Variants in PML observed in about 807,000 individuals in gnomAD.
The protein encoded by PML is PML nuclear body scaffold.
A neutral mutation model predicts 65.2 loss-of-function variants in PML; 28 were observed. The observed-to-expected ratio is 0.43, with a 90% CI of 0.32 to 0.59. The LOEUF (loss-of-function observed/expected upper bound fraction) is 0.59, where lower values mean the gene tolerates loss of function less well. Ranked by LOEUF, PML falls within the 20% of genes least tolerant of loss-of-function variation. PML has a pLI of 0.08. For synonymous variants in PML, 500 were observed against 508.8 expected (o/e 0.98, Z 0.23); for missense variants, 1,021 against 1,203.4 (o/e 0.85, Z 2.24).
At chr15:74,002,444 C>CTTTTTTTTTTTT (rs71137368) in intron 2 of PML, among the ~76,000 whole-genome samples, 5 of 104,762 alleles carry the variant, frequency 4.8e-5, no homozygotes, top group Non-Finnish European at 7.3e-5. Context: ...TCTTTCTTTT[C>CTTTTTTTTTTTT]TTTTTTTTTT....
intron 6 of PML, chr15:74,034,196 C>A: frequency 2.0e-6 from 1 of 508,170 alleles, no homozygotes; most frequent in Non-Finnish European, 3.6e-6. Flanking sequence ...AGTTGTCAGG[C>A]CTCCTGTACA....
At chr15:73,995,408 G>A (rs992275915) in intron 1 of PML, among the ~76,000 whole-genome samples, 2 of 152,212 alleles carry the variant, frequency 1.3e-5, no homozygotes, top group Non-Finnish European at 2.9e-5. Context: ...GACTGAAGAG[G>A]TATCTTTGCC....
chr15:73,998,294 CT>C lies in PML; in HGVS notation c.423del (p.Phe141LeufsTer26). On this transcript the variant is annotated frameshift_variant, in exon 2 of 9. Coordinates refer to ENST00000268058, the MANE Select transcript of PML (RefSeq NM_033238.3). LOFTEE classifies it high-confidence loss of function. The stretch of plus-strand genomic sequence containing the variant: ...GCAAAGAGTCGGCCGACTTCTGGTG[CT>C]TTGAGTGCGAGCAGCTCCTCTGCGC... The part of the protein sequence containing the change: ...RCKESADFWC[F>X]ECEQLLCAKC... The C allele has an allele frequency of 1.9e-6, 3 of 1,614,214 alleles. No individual in the cohort carries two copies. Among genetic ancestry groups the C allele is most frequent in the Non-Finnish European group, 2.5e-6 (3 of 1,180,042 alleles).
At chr15:74,005,164 T>C (rs2069978161) in intron 2 of PML, among the ~76,000 whole-genome samples, 1 of 152,206 alleles carries the variant, frequency 6.6e-6, no homozygotes, top group Admixed American at 6.5e-5. Context: ...GTGATTTTCC[T>C]GCCTCAGCCT....
intron 7 of PML, among the ~76,000 whole-genome samples, chr15:74,041,072 G>A (rs876383): frequency 0.37 from 55,717 of 152,040 alleles, 10,968 homozygotes; most frequent in Middle Eastern, 0.45. Flanking sequence ...ACATTGCCCC[G>A]AGCTTTGTGG....
rs143294421 is a variant in PML at position 74,034,443 on chromosome 15, G to A, written c.1658-35G>A. 1.9e-6 allele frequency: 3 copies of A among 1,614,082 alleles called. No homozygotes were observed. In the East Asian group the frequency reaches 6.7e-5, roughly 36 times the overall value. ...ACACCCCTCCCAGCATGCATCCTAG[G>A]CAGTTCATAATGCATCTCCCCTTCC... On this transcript the variant is annotated intron_variant, in intron 6 of 8. Transcript: ENST00000268058.
In PML at chr15:74,044,808, CA is replaced by C; in HGVS notation, c.2450del (p.Gln817ArgfsTer4). On this transcript the variant is annotated frameshift_variant, in exon 9 of 9. Transcript: ENST00000268058. LOFTEE classifies it low-confidence loss of function (END_TRUNC). ...GCTGAGTGCACACCGCCGTGACCGG[CA>C]GGGGGGCCTGAAGAAGTACAGCCGC... ...ELLSAHRRDR[Q>X]GGLKKYSRYL... The C allele has an allele frequency of 6.2e-7, 1 of 1,613,170 alleles. No homozygotes were observed. The highest frequency in any genetic ancestry group is 8.5e-7 in the Non-Finnish European group (1 of 1,180,032).
chr15:74,010,410 G>A (rs1181153365), intron 2 of PML, among the ~76,000 whole-genome samples: 1 of 150,916 alleles, frequency 6.6e-6, no homozygotes, highest in Non-Finnish European at 1.5e-5. Context: ...CCAGCTACTA[G>A]GGAGACTGAG....
intron 2 of PML, among the ~76,000 whole-genome samples, chr15:74,015,611 CTG>C (rs897985615): frequency 6.6e-6 from 1 of 152,220 alleles, no homozygotes; most frequent in Non-Finnish European, 1.5e-5. Flanking sequence ...AGTGGCCTAT[CTG>C]TACTGGGGAG....
intron 2 of PML, among the ~76,000 whole-genome samples, chr15:74,002,444 C>CTTTTT (rs71137368): frequency 0.01 from 1,075 of 104,396 alleles, no homozygotes; most frequent in East Asian, 0.013. Flanking sequence ...TCTTTCTTTT[C>CTTTTT]TTTTTTTTTT....
intron 4 of PML, chr15:74,031,134 G>T: frequency 3.2e-6 from 1 of 311,216 alleles, no homozygotes; most frequent in Non-Finnish European, 6.4e-6. Context: ...GAAGCAGTCA[G>T]TCCCATTTCC....
chr15:74,034,451 T>A, intron 6 of PML, 27 bp from the exon 7 acceptor site: 1 of 1,614,122 alleles, frequency 6.2e-7, no homozygotes, highest in Middle Eastern at 1.6e-4. Flanking sequence ...AGGCAGTTCA[T>A]AATGCATCTC....
In PML at chr15:74,046,935, C is replaced by T; in HGVS notation, c.*1927C>T. On this transcript the variant is annotated 3_prime_UTR_variant, in exon 9 of 9. Coordinates refer to ENST00000268058, the MANE Select transcript of PML (RefSeq NM_033238.3). The stretch of plus-strand genomic sequence containing the variant: ...TTTTAGGACTTAGCAGAGCTGAGAG[C>T]CCTTTGTTGCTCAATGCTGTGAGCC... 4.3e-6 allele frequency: 1 copy of T among 230,056 alleles called. No individual in the cohort carries two copies. Among genetic ancestry groups the T allele is most frequent in the Non-Finnish European group, 8.6e-6 (1 of 115,994 alleles). The allele number at this position is 230,056 out of a possible 1,614,324, so 14.3% of individuals were successfully genotyped here.
chr15:74,016,150 G>A (rs1164651529), intron 2 of PML, among the ~76,000 whole-genome samples: 3 of 152,018 alleles, frequency 2.0e-5, no homozygotes, highest in Non-Finnish European at 4.4e-5. Context: ...GGTGGTGCAC[G>A]CCTATAGTCC....
chr15:74,034,334 A>G, intron 6 of PML, 144 bp from the exon 7 acceptor site: 1 of 974,334 alleles, frequency 1.0e-6, no homozygotes, highest in Non-Finnish European at 1.7e-6. Flanking sequence ...ACATTGGCAC[A>G]CACAGTGGCT....
rs199516006 is a variant in PML, at chr15:74,023,258, G to A, written c.1033G>A (p.Val345Met). The A allele has an allele frequency of 3.7e-5, 59 of 1,611,192 alleles. No homozygotes were observed. The East Asian group carries it at 1.2e-3, about 33-fold the overall frequency. ...RMKCYASDQE[V>M]LDMHGFLRQA... is the part of the protein sequence containing the mutation. The stretch of plus-strand genomic sequence containing the variant: ...GAAGTGCTACGCCTCGGACCAGGAG[G>A]TGCTGGACATGCACGGTTTCCTGCG... Residue 345 changes from valine to methionine, a missense_variant, in exon 3 of 9, where the codon GTG becomes ATG. Transcript: ENST00000268058.
At position 73,998,316 on chromosome 15, in the gene PML, T is replaced by C. The variant is rs1212946978; in HGVS notation, c.442T>C (p.Cys148Arg). Residue 148 changes from cysteine to arginine, a missense_variant, in exon 2 of 9, where the codon TGC (cysteine) becomes CGC (arginine). Transcript: ENST00000268058. ...FWCFECEQLLCAKCFEAHQWF... is the reference protein window; with the variant it reads ...FWCFECEQLLRAKCFEAHQWF... ...GTGCTTTGAGTGCGAGCAGCTCCTC[T>C]GCGCCAAGTGCTTCGAGGCACACCA... 6.2e-7 allele frequency: 1 copy of C among 1,614,072 alleles called. No homozygotes were observed. Among genetic ancestry groups the C allele is most frequent in the African/African-American group, 1.3e-5 (1 of 74,936 alleles).
intron 2 of PML, among the ~76,000 whole-genome samples, chr15:74,020,287 C>CTTTT (rs1187914506): frequency 3.4e-5 from 4 of 116,284 alleles, no homozygotes; most frequent in South Asian, 2.9e-4. Flanking sequence ...TGACTTATTC[C>CTTTT]TTTTTTTTTT....
intron 2 of PML, among the ~76,000 whole-genome samples, chr15:74,019,234 A>ACGTCTTGCTCTCTATCCAGCC (rs1371573557): frequency 6.6e-6 from 1 of 152,160 alleles, no homozygotes; most frequent in Non-Finnish European, 1.5e-5. Context: ...GCCATCCAGA[A>ACGTCTTGCTCTCTATCCAGCC]CGTCTTGCTC....
Sources: allele counts gnomAD v4.1 joint callset (sites outside exome capture counted in the v4.1 genomes callset), GRCh38; gene constraint gnomAD v4.1.1; transcripts MANE v1.5; gene names NCBI Gene and HGNC (gene_info 2026-07-23, HGNC 2026-07-21).